The following ZNF529 variants were observed in gnomAD, a reference collection of about 807,000 sequenced individuals.
ZNF529 encodes the protein zinc finger protein 529.
A neutral mutation model predicts 10.1 loss-of-function variants in ZNF529; 11 were observed. That is an observed-to-expected ratio of 1.09 (90% CI 0.69 to 1.81). The LOEUF is 1.81. Among genes scored for constraint, ZNF529 ranks in the 40% most tolerant of loss-of-function variants. ZNF529 has a pLI of 0.00. For missense variants in ZNF529, 624 were observed against 666.8 expected (o/e 0.94, Z 0.71); for synonymous variants, 204 against 215.7 (o/e 0.95, Z 0.47).
At chr19:36,565,117 G>A (rs1361556536) in intron 2 of ZNF529, among the ~76,000 whole-genome samples, 2 of 152,132 alleles carry the variant, frequency 1.3e-5, no homozygotes, top group Non-Finnish European at 2.9e-5. Flanking sequence ...AGAAACAAGA[G>A]TTGAAAAACT....
At position 36,547,128 on chromosome 19, in the gene ZNF529, G is replaced by C; in HGVS notation, c.1430C>G (p.Pro477Arg). 6.2e-7 allele frequency: 1 copy of C among 1,613,906 alleles called. No individual in the cohort carries two copies. Among genetic ancestry groups the C allele is most frequent in the Non-Finnish European group, 8.5e-7 (1 of 1,179,946 alleles). Residue 477 changes from proline (P) to arginine (R), a missense_variant, in exon 5 of 5, where the codon CCT (proline) becomes CGT (arginine). Coordinates refer to ENST00000591340, the MANE Select transcript of ZNF529 (RefSeq NM_020951.5). ...QHQRIHSGEK[P>R]YECKVCGKAF... is the part of the protein sequence containing the mutation. ...CTTCCCACATACCTTACATTCATAA[G>C]GTTTCTCACCACTATGAATTCTTTG...
chr19:36,573,594 GGGT>G, upstream of ZNF529: 2 of 433,836 alleles, frequency 4.6e-6, no homozygotes, highest in South Asian at 3.3e-5. Context: ...GCTGGGGCGA[GGGT>G]GGTCTTGGGG....
chr19:36,604,857 G>GGCTGTGCACCTGCTGTGCACCT (rs1156229336), intron 1 of ZNF529: 1 of 151,962 alleles, frequency 6.6e-6, no homozygotes, highest in African/African-American at 2.4e-5. Context: ...GGCTGTCCCG[G>GGCTGTGCACCTGCTGTGCACCT]GCTGTGCACC....
chr19:36,581,316 G>A (rs2036457998), intron 2 of ZNF529: 1 of 151,936 alleles, frequency 6.6e-6, no homozygotes, highest in South Asian at 2.1e-4. Flanking sequence ...ATAAATAAGG[G>A]GAAAATGTTT....
upstream of ZNF529, chr19:36,574,690 T>C (rs1172758621): frequency 7.9e-6 from 3 of 381,726 alleles, no homozygotes; most frequent in African/African-American, 6.4e-5. Flanking sequence ...ATTTCTCCTT[T>C]AGTTTACCCT....
At chr19:36,580,357 T>C (rs1159150415) in intron 2 of ZNF529, 1 of 149,268 alleles carries the variant, frequency 6.7e-6, no homozygotes, top group Non-Finnish European at 1.5e-5. Context: ...CACTTATTAT[T>C]ATCACCTATT....
chr19:36,554,870 C>T, intron 3 of ZNF529, 74 bp from the exon 4 acceptor site: 1 of 1,370,378 alleles, frequency 7.3e-7, no homozygotes, highest in Non-Finnish European at 9.6e-7. Context: ...GAGGAATTGC[C>T]TTATAGCAAG....
chr19:36,547,272 T>C lies in ZNF529; in HGVS notation c.1286A>G (p.Lys429Arg). 1 of 1,613,710 alleles carries C rather than the reference T, an allele frequency of 6.2e-7. No individual in the cohort carries two copies. Among genetic ancestry groups the C allele is most frequent in the Middle Eastern group, 1.7e-4 (1 of 6,058 alleles). Reference sequence around the variant, plus strand: ...AAGTTCACTACCTACTCCAAATGCTTTCTCACATTCTTTACATTTATAGGG... The same window carrying C: ...AAGTTCACTACCTACTCCAAATGCTCTCTCACATTCTTTACATTTATAGGG... ...EKPYKCKECE[K>R]AFGVGSELTR... is the part of the protein sequence containing the mutation. The change falls in exon 5 of 5, where the codon AAA (lysine) becomes AGA (arginine). Residue 429 changes from lysine to arginine, a missense_variant. Coordinates refer to ENST00000591340, the MANE Select transcript of ZNF529 (RefSeq NM_020951.5).
Position 36,547,504 on chromosome 19 carries a change from G to A in ZNF529, c.1054C>T (p.Gln352Ter). The stretch of plus-strand genomic sequence containing the variant: ...TGAATTCTCTGATGTTCAATGAGCT[G>A]TGAACTAATTCTAAAAACCTTCTCA... The part of the protein sequence containing the change: ...HCEKVFRISS[Q>*]LIEHQRIHTG... The change falls in exon 5 of 5, where the codon CAG becomes TAG. Residue 352 changes from glutamine to a stop codon, truncating the protein, a stop_gained. Transcript: ENST00000591340. LOFTEE classifies it low-confidence loss of function (END_TRUNC). 6.2e-7 allele frequency: 1 copy of A among 1,613,332 alleles called. No individual in the cohort carries two copies. Among genetic ancestry groups the A allele is most frequent in the Non-Finnish European group, 8.5e-7 (1 of 1,179,406 alleles).
In ZNF529 at chr19:36,572,326, A is replaced by C. The variant is rs2036151959; in HGVS notation, c.14+7T>G. 6.4e-7 allele frequency: 1 copy of C among 1,551,102 alleles called. No individual in the cohort carries two copies. The highest frequency in any genetic ancestry group is 1.2e-5 in the South Asian group (1 of 84,004). On this transcript the variant is annotated splice_region_variant and intron_variant, in intron 2 of 4. Transcript: ENST00000591340. ...GACCAGGTAAATGAACAAAAAAAAA[A>C]ACTAACCTTGAGTTGGCCATTAGTA... is the stretch of plus-strand genomic sequence containing the variant.
chr19:36,573,119 G>A (rs1327386349), intron 1 of ZNF529, 21 bp downstream of exon 1: 2 of 251,070 alleles, frequency 8.0e-6, no homozygotes, highest in African/African-American at 2.2e-5. Context: ...CCACAATGAC[G>A]TCGTAAACAA....
rs562144892 is a variant in ZNF529 at position 36,573,231 on chromosome 19, C to T, written c.-138G>A. ...CCGGCAGCGCGGGGCCACCTCACCG[C>T]GAGCTCCTCCCGCAGCCCGGCCCGG... On this transcript the variant is annotated 5_prime_UTR_variant, in exon 1 of 5. Transcript: ENST00000591340. 1 of 319,740 alleles carries T rather than the reference C, an allele frequency of 3.1e-6. No individual in the cohort carries two copies. The highest frequency in any genetic ancestry group is 2.4e-5 in the South Asian group (1 of 42,122). The allele number at this position is 319,740 out of a possible 1,614,324, so 19.8% of individuals were successfully genotyped here.
At chr19:36,596,185 C>T (rs2036837538) in intron 1 of ZNF529, among the ~76,000 whole-genome samples, 2 of 150,978 alleles carry the variant, frequency 1.3e-5, no homozygotes, top group Admixed American at 6.6e-5. Flanking sequence ...CAGGTTCTCC[C>T]GCCTCAGCCT....
intron 2 of ZNF529, among the ~76,000 whole-genome samples, chr19:36,565,400 C>T (rs1346877710): frequency 6.6e-6 from 1 of 152,054 alleles, no homozygotes; most frequent in Non-Finnish European, 1.5e-5. Flanking sequence ...AACTCAAAGC[C>T]ATATACAAAA....
rs765301193 is a variant in ZNF529 at position 36,545,398 on chromosome 19, A to G, written c.*1468T>C. ...TAAAATTAGCCGGTCATGGTGGCGC[A>G]TGCCTGTAATCCCAGCTAATCAGGA... On this transcript the variant is annotated 3_prime_UTR_variant, in exon 5 of 5. Coordinates refer to ENST00000591340, the MANE Select transcript of ZNF529 (RefSeq NM_020951.5). The G allele has an allele frequency of 6.6e-6, 1 of 152,358 alleles. No individual in the cohort carries two copies. The highest frequency in any genetic ancestry group is 1.5e-5 in the Non-Finnish European group (1 of 68,280). The allele number at this position is 152,358 out of a possible 1,614,324, so 9.4% of individuals were successfully genotyped here. A position where few individuals can be genotyped will look rare whatever the true frequency, so the allele number is the denominator to read the frequency against.
rs190887702 is a variant in ZNF529, at chr19:36,597,666, A to G, written c.-128+7460T>C. Reference sequence around the variant, plus strand: ...TAATGGTCATACTAGCAGTATTTCTATAGAAAAATTTGAAACAACTCAAAT... The same window carrying G: ...TAATGGTCATACTAGCAGTATTTCTGTAGAAAAATTTGAAACAACTCAAAT... On this transcript the variant is annotated intron_variant, in intron 1 of 4. Coordinates refer to the ZNF529 transcript ENST00000585960. Among the ~76,000 whole-genome samples, 333 of 152,314 alleles carry G rather than the reference A, an allele frequency of 2.2e-3. 2 individuals are homozygous for G. Among genetic ancestry groups the G allele is most frequent in the African/African-American group, 7.8e-3 (325 of 41,568 alleles).
At chr19:36,563,295 C>T (rs535265933) in intron 2 of ZNF529, among the ~76,000 whole-genome samples, 60 of 151,724 alleles carry the variant, frequency 4.0e-4, no homozygotes, top group Non-Finnish European at 1.2e-4. Context: ...TGGTGGTGTG[C>T]GCCTCTAATC....
intron 2 of ZNF529, chr19:36,580,298 AAAT>A (rs1278082810): frequency 2.0e-5 from 3 of 152,252 alleles, no homozygotes; most frequent in East Asian, 3.9e-4. Flanking sequence ...GTACAGTCTA[AAAT>A]AATAATACAA....
rs2035035245 is a variant in ZNF529, at chr19:36,546,709, T to A, written c.*157A>T. On this transcript the variant is annotated 3_prime_UTR_variant, in exon 5 of 5. Transcript: ENST00000591340. ...CAAAGCTATAAGTATATATCAGCTA[T>A]GACTAAGCAATTCTACGTCTACATA... The A allele has an allele frequency of 2.0e-5, 15 of 762,708 alleles. No homozygotes were observed. In the South Asian group the frequency reaches 3.2e-4, roughly 16 times the overall value. The allele number at this position is 762,708 out of a possible 1,614,324, so 47.2% of individuals were successfully genotyped here.
Sources: gnomAD v4.1 joint callset for allele counts (sites outside exome capture counted in the v4.1 genomes callset) on GRCh38, gnomAD v4.1.1 for gene constraint, MANE v1.5 for transcripts, NCBI Gene and HGNC (gene_info 2026-07-23, HGNC 2026-07-21) for gene names.